Variants in DYSF observed in about 807,000 individuals in gnomAD.
DYSF encodes the protein dystrophy-associated fer-1-like 1.
DYSF carries 212 observed loss-of-function variants against 274.9 expected under a neutral mutation model. That is an observed-to-expected ratio of 0.77 (90% CI 0.69 to 0.86). DYSF has a LOEUF of 0.86. Among genes scored for constraint, DYSF ranks in the 40% least tolerant of loss-of-function variants. The pLI, the probability that DYSF is intolerant of heterozygous loss-of-function variation, is 0.00. For synonymous variants in DYSF, 1,091 were observed against 1,078.7 expected, an observed-to-expected ratio of 1.01 and a Z score of -0.22; for missense variants, 2,666 against 2,783.2, an observed-to-expected ratio of 0.96 and a Z score of 0.95.
intron 41 of DYSF, among the ~76,000 whole-genome samples, chr2:71,635,076 A>G (rs1040138064): frequency 3.3e-5 from 5 of 152,156 alleles, no homozygotes; most frequent in Non-Finnish European, 7.3e-5. Context: ...TCCTCTGGCA[A>G]CTTCCGGGTG....
At chr2:71,493,089 A>G (rs1021105387) in intron 3 of DYSF, among the ~76,000 whole-genome samples, 4 of 151,744 alleles carry the variant, frequency 2.6e-5, no homozygotes, top group African/African-American at 7.3e-5. Flanking sequence ...GGGTCTCACT[A>G]TGTTGTCCAG....
chr2:71,644,260 G>A (rs1358045162), intron 42 of DYSF, among the ~76,000 whole-genome samples, 197 bp downstream of exon 42: 1 of 152,118 alleles, frequency 6.6e-6, no homozygotes, highest in African/African-American at 2.4e-5. Context: ...GTGTGGGCTG[G>A]GATAACCAAG....
intron 32 of DYSF, among the ~76,000 whole-genome samples, chr2:71,597,401 G>A (rs2093431161): frequency 6.6e-6 from 1 of 152,188 alleles, no homozygotes; most frequent in South Asian, 2.1e-4. Context: ...CAAGCCCTGT[G>A]TTCCTCTCCC....
At chr2:71,493,061 A>T (rs1009716057) in intron 3 of DYSF, among the ~76,000 whole-genome samples, 3 of 151,092 alleles carry the variant, frequency 2.0e-5, no homozygotes, top group African/African-American at 2.4e-5. Flanking sequence ...TAATATATAT[A>T]TTTTTTTTGT....
rs576787503 is a variant in DYSF at position 71,466,795 on chromosome 2, C to G, written c.-48C>G. On this transcript the variant is annotated 5_prime_UTR_variant, in exon 1 of 56. Coordinates refer to ENST00000410020, the MANE Select transcript of DYSF (RefSeq NM_001130987.2). ...GGTGGGTGCTCGGGCCCGGTGCTCC[C>G]GCTCCCGCCCTGACTGCGCGCCTGT... 3.4e-6 allele frequency: 5 copies of G among 1,459,660 alleles called. No homozygotes were observed. In the African/African-American group the frequency reaches 4.3e-5, roughly 13 times the overall value. 90.4% of individuals were successfully genotyped at this position (1,459,660 alleles called of 1,614,324 possible). A position where few individuals can be genotyped will look rare whatever the true frequency, so the allele number is the denominator to read the frequency against.
rs1282447569 is a variant in DYSF, at chr2:71,686,559, G to T, written c.*67G>T. The T allele has an allele frequency of 6.3e-7, 1 of 1,590,634 alleles. No homozygotes were observed. Among genetic ancestry groups the T allele is most frequent in the Non-Finnish European group, 8.6e-7 (1 of 1,161,062 alleles). On this transcript the variant is annotated 3_prime_UTR_variant, in exon 56 of 56. Coordinates refer to ENST00000410020, the MANE Select transcript of DYSF (RefSeq NM_001130987.2). The stretch of plus-strand genomic sequence containing the variant: ...AGCATGGGACTGGCCTGCCTCCTCC[G>T]CCCAGCTCGGCGAGCTCCTCCAGAC...
intron 40 of DYSF, among the ~76,000 whole-genome samples, chr2:71,616,376 C>T (rs2093884057): frequency 1.3e-5 from 2 of 150,934 alleles, no homozygotes; most frequent in South Asian, 2.1e-4. Flanking sequence ...AATACTCACA[C>T]GTATTAACTC....
chr2:71,653,842 A>C, intron 42 of DYSF, among the ~76,000 whole-genome samples: 1 of 150,100 alleles, frequency 6.7e-6, no homozygotes, highest in Non-Finnish European at 1.5e-5. Flanking sequence ...AATAATAATA[A>C]AAAAAATTTC....
At chr2:71,666,727 G>T (rs1417878495) in intron 47 of DYSF, among the ~76,000 whole-genome samples, 1 of 152,210 alleles carries the variant, frequency 6.6e-6, no homozygotes. Flanking sequence ...GCCTAGTCAC[G>T]CACCTTTCCT....
chr2:71,505,102 C>T (rs2085355413), intron 4 of DYSF, among the ~76,000 whole-genome samples: 1 of 152,234 alleles, frequency 6.6e-6, no homozygotes, highest in Admixed American at 6.5e-5. Flanking sequence ...GAGCCTCCTC[C>T]CTGTTGCCCA....
chr2:71,607,161 A>T (rs570873171), intron 36 of DYSF, among the ~76,000 whole-genome samples: 2 of 152,158 alleles, frequency 1.3e-5, no homozygotes, highest in Non-Finnish European at 2.9e-5. Context: ...AGCTTGGGGC[A>T]CCAGGAAAGA....
intron 20 of DYSF, 60 bp from the exon 21 acceptor site, chr2:71,553,747 A>AGCCCCAAG: frequency 1.1e-6 from 1 of 872,684 alleles, no homozygotes; most frequent in Non-Finnish European, 1.8e-6. Context: ...CACTCTTAGC[A>AGCCCCAAG]CCCCATCCCA....
At position 71,613,335 on chromosome 2, in the gene DYSF, C is replaced by T. The variant is rs61746816; in HGVS notation, c.4389C>T (p.Asp1463=). 6.6e-5 allele frequency: 107 copies of T among 1,612,522 alleles called. No homozygotes were observed. The East Asian group carries it at 8.5e-4, about 13-fold the overall frequency. The part of the protein sequence containing the change: ...AESPSPQGGP[D]DVSLLSPGED... ...CCTGGATGGCTCCCTCCCCTGCAGACGATGTGAGCCTACTCAGTCCTGGGG... is the reference window on the plus strand; with the variant it reads ...CCTGGATGGCTCCCTCCCCTGCAGATGATGTGAGCCTACTCAGTCCTGGGG... Residue 1463 remains aspartate (D), a splice_region_variant and synonymous_variant, in exon 40 of 56, where the codon GAC becomes GAT. Transcript: ENST00000410020.
In DYSF at chr2:71,520,867, C is replaced by T. The variant is rs761129801; in HGVS notation, c.1112C>T (p.Thr371Ile). The T allele has an allele frequency of 6.2e-7, 1 of 1,614,152 alleles. No homozygotes were observed. Among genetic ancestry groups the T allele is most frequent in the Non-Finnish European group, 8.5e-7 (1 of 1,180,016 alleles). Residue 371 changes from threonine to isoleucine, a missense_variant, in exon 12 of 56, where the codon ACA becomes ATA. Coordinates refer to ENST00000410020, the MANE Select transcript of DYSF (RefSeq NM_001130987.2). ...FSAGARGYLKTSLCVLGPGDE... is the reference protein window; with the variant it reads ...FSAGARGYLKISLCVLGPGDE... The stretch of plus-strand genomic sequence containing the variant: ...GCTGGGGCCAGAGGCTACCTGAAAA[C>T]AAGCCTTTGTGTGCTGGGGCCTGGG...
chr2:71,470,805 T>G (rs1573316549), intron 1 of DYSF, among the ~76,000 whole-genome samples: 5 of 149,248 alleles, frequency 3.4e-5, no homozygotes, highest in South Asian at 2.2e-4. Flanking sequence ...TCTTTTTTTT[T>G]TTTGAAATGG....
chr2:71,637,996 C>G (rs1456728899), intron 41 of DYSF, among the ~76,000 whole-genome samples: 1 of 151,964 alleles, frequency 6.6e-6, no homozygotes, highest in East Asian at 1.9e-4. Context: ...TGCTGGGGAA[C>G]AGCAGCTGCC....
chr2:71,528,608 G>C (rs1178690071), intron 14 of DYSF, among the ~76,000 whole-genome samples: 1 of 152,178 alleles, frequency 6.6e-6, no homozygotes, highest in Admixed American at 6.5e-5. Context: ...GGTCTGCCTG[G>C]GGGTGTCCCA....
chr2:71,672,181 G>T (rs777407516), intron 51 of DYSF, among the ~76,000 whole-genome samples: 8 of 151,216 alleles, frequency 5.3e-5, no homozygotes, highest in Non-Finnish European at 7.4e-5. Context: ...AAACTGGCTC[G>T]GCCGAAGGCG....
chr2:71,551,833 G>T (rs534480675), intron 19 of DYSF, 113 bp downstream of exon 19: 3 of 825,802 alleles, frequency 3.6e-6, no homozygotes, highest in Admixed American at 4.5e-5. Context: ...CTGCCCACAC[G>T]CATCGTGCCT....
Sources: gnomAD v4.1 joint callset for allele counts (sites outside exome capture counted in the v4.1 genomes callset) on GRCh38, gnomAD v4.1.1 for gene constraint, MANE v1.5 for transcripts, NCBI Gene and HGNC (gene_info 2026-07-23, HGNC 2026-07-21) for gene names.